Variants in FCSK observed in about 807,000 individuals in gnomAD.
The protein encoded by FCSK is fucose kinase, also known as L-fucose kinase.
In FCSK, 123 loss-of-function variants were observed where a neutral mutation model predicts 122.5. The observed-to-expected ratio is 1.00, with a 90% CI of 0.87 to 1.17. The LOEUF (loss-of-function observed/expected upper bound fraction) is 1.17, where lower values mean the gene tolerates loss of function less well. Among genes scored for constraint, FCSK ranks in the 50% most tolerant of loss-of-function variants. The pLI, the probability that FCSK is intolerant of heterozygous loss-of-function variation, is 0.00. For synonymous variants in FCSK, 620 were observed against 625.5 expected, an observed-to-expected ratio of 0.99 and a Z score of 0.13; for missense variants, 1,366 against 1,450.4, an observed-to-expected ratio of 0.94 and a Z score of 0.95.
rs371114615 is a variant in FCSK, at chr16:70,470,409, G to T, written c.1051G>T (p.Val351Leu). The change falls in exon 11 of 24, where the codon GTG becomes TTG. Residue 351 changes from valine (V) to leucine (L), a missense_variant. Coordinates refer to ENST00000288078, the MANE Select transcript of FCSK (RefSeq NM_145059.3). ...TLPGAPGAQI[V>L]HSQVEEQQLL... The stretch of plus-strand genomic sequence containing the variant: ...CCCCGGGGCTCCTGGGGCCCAGATT[G>T]TGCACTCCCAGGTGGAGGTGAGACC... The T allele has an allele frequency of 1.3e-4, 211 of 1,612,012 alleles. No homozygotes were observed. The highest frequency in any genetic ancestry group is 1.6e-4 in the Non-Finnish European group (188 of 1,178,798).
At chr16:70,470,233 T>G in intron 10 of FCSK, 81 bp from the exon 11 acceptor site, 1 of 902,004 alleles carries the variant, frequency 1.1e-6, no homozygotes, top group Non-Finnish European at 1.8e-6. Context: ...CCTGCCCCCA[T>G]GTGTCTCTGC....
chr16:70,467,537 C>T, intron 7 of FCSK, 66 bp downstream of exon 7: 1 of 1,223,526 alleles, frequency 8.2e-7, no homozygotes, highest in Non-Finnish European at 1.2e-6. Flanking sequence ...GCAGCCTCCT[C>T]CCTGTCAGTG....
chr16:70,476,968 G>C (rs2048837600), intron 20 of FCSK, among the ~76,000 whole-genome samples: 1 of 152,272 alleles, frequency 6.6e-6, no homozygotes, highest in African/African-American at 2.4e-5. Flanking sequence ...TAACTACTCA[G>C]GTGCATGTGT....
intron 3 of FCSK, 33 bp from the exon 4 acceptor site, chr16:70,465,093 G>A: frequency 6.2e-7 from 1 of 1,612,564 alleles, no homozygotes; most frequent in Non-Finnish European, 8.5e-7. Context: ...TCTGCCTGAG[G>A]CCTCTGTTCA....
intron 14 of FCSK, 144 bp downstream of exon 14, chr16:70,472,749 TC>T: frequency 1.2e-6 from 1 of 813,240 alleles, no homozygotes; most frequent in Non-Finnish European, 1.9e-6. Context: ...AGCCGGATTC[TC>T]TCCAGTACTT....
rs760970982 is a variant in FCSK, at chr16:70,466,258, G to T, written c.411+1G>T. 1 of 1,613,898 alleles carries T rather than the reference G, an allele frequency of 6.2e-7. No homozygotes were observed. Among genetic ancestry groups the T allele is most frequent in the Non-Finnish European group, 8.5e-7 (1 of 1,179,838 alleles). ...CCTGCTGGACATCATGACCTATCGGGTGAGGCTGGGTGGTGGCCCGTGGTG... is the reference window on the plus strand; with the variant it reads ...CCTGCTGGACATCATGACCTATCGGTTGAGGCTGGGTGGTGGCCCGTGGTG... On this transcript the variant is annotated splice_donor_variant, in intron 5 of 23. Transcript: ENST00000288078. LOFTEE classifies it high-confidence loss of function.
intron 7 of FCSK, 49 bp from the exon 8 acceptor site, chr16:70,467,837 C>T (rs372363217): frequency 1.3e-6 from 2 of 1,530,716 alleles, no homozygotes; most frequent in African/African-American, 2.7e-5. Context: ...GGCCTCCTTC[C>T]AGATCCCTTC....
Position 70,467,453 on chromosome 16 carries a change from C to T in FCSK, c.564C>T (p.Val188=), listed in dbSNP as rs754070223. ...CGGCCTACGCTCAGAATCATGGCGTCTACCTAACTGACCCCCAGGTAGTGC... is the reference window on the plus strand; with the variant it reads ...CGGCCTACGCTCAGAATCATGGCGTTTACCTAACTGACCCCCAGGTAGTGC... The part of the protein sequence containing the change: ...GSPAYAQNHG[V]YLTDPQGLVL... Residue 188 remains valine (V), a synonymous_variant, in exon 7 of 24, where the codon GTC becomes GTT. Transcript: ENST00000288078. 6.2e-7 allele frequency: 1 copy of T among 1,605,416 alleles called. No homozygotes were observed. Among genetic ancestry groups the T allele is most frequent in the Non-Finnish European group, 8.5e-7 (1 of 1,176,488 alleles).
chr16:70,470,941 C>T (rs749160612), intron 11 of FCSK, 30 bp from the exon 12 acceptor site: 4 of 1,533,486 alleles, frequency 2.6e-6, no homozygotes, highest in African/African-American at 3.2e-5. Context: ...GCCTCGACCC[C>T]CCTCATGCTC....
chr16:70,468,824 C>G, intron 8 of FCSK, 25 bp from the exon 9 acceptor site: 1 of 1,613,826 alleles, frequency 6.2e-7, no homozygotes, highest in Non-Finnish European at 8.5e-7. Context: ...CCCTCCATCT[C>G]TGATCCTTTT....
Position 70,474,925 on chromosome 16 carries a change from T to C in FCSK, c.2291T>C (p.Val764Ala). ...RIPEPELWLAVGPRQDEMTVK... is the reference protein window; with the variant it reads ...RIPEPELWLAAGPRQDEMTVK... ...CCGGAGCCTGAGCTGTGGCTGGCGG[T>C]GGGGCCTCGGCAGGATGAGATGACT... Residue 764 changes from valine to alanine, a missense_variant, in exon 18 of 24, where the codon GTG becomes GCG. Physicochemically the swap from Val to Ala is moderately conservative, Grantham distance 64. Transcript: ENST00000288078. The C allele has an allele frequency of 6.2e-7, 1 of 1,610,920 alleles. No homozygotes were observed.
At chr16:70,463,361 A>G in intron 2 of FCSK, 89 bp downstream of exon 2, 4 of 1,174,076 alleles carry the variant, frequency 3.4e-6, no homozygotes, top group Non-Finnish European at 5.0e-6. Context: ...TGCCAGGCCA[A>G]CCTGGGTTCA....
At position 70,474,717 on chromosome 16, in the gene FCSK, G is replaced by A. The variant is rs896905332; in HGVS notation, c.2155+23G>A. ...CTGGTGAGCCCCTTGTGGCAGGTGG[G>A]GTTGAGGGTAGCTGCCCCAGAGCCA... On this transcript the variant is annotated intron_variant, in intron 17 of 23. Transcript: ENST00000288078. 3.8e-6 allele frequency: 6 copies of A among 1,582,408 alleles called. No individual in the cohort carries two copies. The African/African-American group carries it at 8.0e-5, about 21-fold the overall frequency.
chr16:70,466,042 C>T, intron 4 of FCSK, 90 bp from the exon 5 acceptor site: 7 of 1,339,154 alleles, frequency 5.2e-6, no homozygotes, highest in Non-Finnish European at 7.3e-6. Context: ...TTTATCAGCC[C>T]TCCACTGGAT....
At chr16:70,470,107 T>C (rs1389463906) in intron 10 of FCSK, among the ~76,000 whole-genome samples, 1 of 152,186 alleles carries the variant, frequency 6.6e-6, no homozygotes, top group Non-Finnish European at 1.5e-5. Context: ...CCTCCCAAAG[T>C]GCTGGGATTA....
At chr16:70,465,231 A>T in intron 4 of FCSK, 55 bp downstream of exon 4, 1 of 1,546,582 alleles carries the variant, frequency 6.5e-7, no homozygotes, top group Middle Eastern at 2.1e-4. Context: ...CAGTTCGTGG[A>T]GTTGAGCAGG....
intron 3 of FCSK, chr16:70,464,891 C>T (rs1156425407): frequency 1.3e-6 from 1 of 765,456 alleles, no homozygotes; most frequent in African/African-American, 1.8e-5. Context: ...ACAACAACAA[C>T]AACAGCAACA....
At chr16:70,478,675 C>T (rs953055709) in intron 22 of FCSK, 25 bp downstream of exon 22, 3 of 1,592,406 alleles carry the variant, frequency 1.9e-6, no homozygotes, top group African/African-American at 1.3e-5. Flanking sequence ...CTGGGGGGGT[C>T]AGGGCACTGG....
At chr16:70,464,739 G>A (rs560173278) in intron 3 of FCSK, among the ~76,000 whole-genome samples, 8 of 151,736 alleles carry the variant, frequency 5.3e-5, no homozygotes, top group South Asian at 2.1e-4. Flanking sequence ...GTAGCCAGGC[G>A]TGGCAGTGCA....
Sources: gnomAD v4.1 joint callset for allele counts (sites outside exome capture counted in the v4.1 genomes callset) on GRCh38, gnomAD v4.1.1 for gene constraint, MANE v1.5 for transcripts, NCBI Gene and HGNC (gene_info 2026-07-23, HGNC 2026-07-21) for gene names.